The following ARHGAP25 variants were observed in gnomAD, a reference collection of about 807,000 sequenced individuals.
ARHGAP25 encodes Rho GTPase activating protein 25.
Under a neutral mutation model 71.0 loss-of-function variants are expected in ARHGAP25, and 34 were observed. The ratio of observed to expected loss-of-function variants is 0.48; its 90% CI spans 0.36 to 0.64. The LOEUF is 0.64. ARHGAP25 is among the 30% of genes least tolerant of loss of function. The pLI, the probability that ARHGAP25 is intolerant of heterozygous loss-of-function variation, is 0.00. For synonymous variants in ARHGAP25, 282 were observed against 296.5 expected (o/e 0.95, Z 0.50); for missense variants, 706 against 805.1 (o/e 0.88, Z 1.49).
chr2:68,746,715 A>T (rs1342344706), intron 1 of ARHGAP25, among the ~76,000 whole-genome samples: 1 of 131,578 alleles, frequency 7.6e-6, no homozygotes. Flanking sequence ...CCCCCTCCCC[A>T]TCCCCACAGG....
rs1317244454 is a variant in ARHGAP25, at chr2:68,787,961, G to C, written c.466+5G>C. 1.2e-6 allele frequency: 2 copies of C among 1,611,982 alleles called. No homozygotes were observed. Among genetic ancestry groups the C allele is most frequent in the African/African-American group, 2.7e-5 (2 of 75,014 alleles). ...TTGCTGGCACACCCTGTGGAGGTAA[G>C]GACCCCTGCAGGCTTTCCTGGGCAG... On this transcript the variant is annotated splice_donor_5th_base_variant and intron_variant, in intron 4 of 10. Transcript: ENST00000409202.
chr2:68,786,377 G>A (rs1280571830), intron 3 of ARHGAP25, among the ~76,000 whole-genome samples: 1 of 152,170 alleles, frequency 6.6e-6, no homozygotes, highest in Non-Finnish European at 1.5e-5. Context: ...TTCATGGGAG[G>A]AAGGACACCG....
intron 1 of ARHGAP25, 53 bp downstream of exon 1, chr2:68,735,313 C>A: frequency 6.5e-7 from 1 of 1,548,894 alleles, no homozygotes; most frequent in East Asian, 2.2e-5. Flanking sequence ...TACTCGAGCA[C>A]CATTTGCATG....
chr2:68,736,941 G>A (rs1675252535), intron 1 of ARHGAP25, among the ~76,000 whole-genome samples: 1 of 152,062 alleles, frequency 6.6e-6, no homozygotes, highest in African/African-American at 2.4e-5. Context: ...CACCCATTTA[G>A]TATAGGGCAC....
Position 68,826,099 on chromosome 2 carries a change from C to T in ARHGAP25, c.1846C>T (p.Arg616Cys), listed in dbSNP as rs764265797. The T allele has an allele frequency of 1.9e-5, 30 of 1,613,886 alleles. No homozygotes were observed. The South Asian group carries it at 1.9e-4, about 10-fold the overall frequency. The change falls in exon 11 of 11, where the codon CGC becomes TGC. Residue 616 changes from arginine to cysteine, a missense_variant. Coordinates refer to ENST00000409202, the MANE Select transcript of ARHGAP25 (RefSeq NM_001007231.3). Reference protein sequence around the residue: ...ALEISLRNMERSREDVEKRNK... With the variant: ...ALEISLRNMECSREDVEKRNK... ...AGAGATCAGCCTCCGCAACATGGAGCGCTCCCGGGAGGATGTTGAGAAGAG... is the reference window on the plus strand; with the variant it reads ...AGAGATCAGCCTCCGCAACATGGAGTGCTCCCGGGAGGATGTTGAGAAGAG...
chr2:68,813,483 C>T, intron 6 of ARHGAP25, 64 bp downstream of exon 6: 1 of 1,559,152 alleles, frequency 6.4e-7, no homozygotes, highest in South Asian at 1.2e-5. Flanking sequence ...GGACACTAAT[C>T]CAGTAGGCAA....
intron 5 of ARHGAP25, 134 bp from the exon 6 acceptor site, chr2:68,813,153 A>G (rs1680954699): frequency 1.0e-6 from 1 of 957,358 alleles, no homozygotes; most frequent in Non-Finnish European, 1.5e-6. Context: ...ATTCTTCTTT[A>G]TCAGACTACT....
rs143716425 is a variant in ARHGAP25 at position 68,807,280 on chromosome 2, T to C, written c.474T>C (p.Phe158=). Residue 158 remains phenylalanine, a synonymous_variant, in exon 5 of 11, where the codon TTT becomes TTC. Coordinates refer to ENST00000409202, the MANE Select transcript of ARHGAP25 (RefSeq NM_001007231.3). ...RVAGTPCGAV[F]GQRLDETVAY... ...TGTTTGCTCTCTCCTCAGCAGTGTT[T>C]GGCCAGCGCTTGGATGAGACTGTGG... The C allele has an allele frequency of 1.2e-5, 19 of 1,614,112 alleles. No individual in the cohort carries two copies. In the African/African-American group the frequency reaches 2.0e-4, roughly 17 times the overall value.
chr2:68,730,854 TCTC>T (rs890112766), upstream of ARHGAP25, among the ~76,000 whole-genome samples: 1 of 152,052 alleles, frequency 6.6e-6, no homozygotes, highest in Non-Finnish European at 1.5e-5. Context: ...CCTGGAGCGT[TCTC>T]CTCTCACTCC....
intron 2 of ARHGAP25, among the ~76,000 whole-genome samples, chr2:68,777,774 AAGAAT>A (rs1558630794): frequency 6.6e-6 from 1 of 152,226 alleles, no homozygotes; most frequent in African/African-American, 2.4e-5. Context: ...ATTTCTTAGA[AAGAAT>A]AGTGTATTTT....
intron 2 of ARHGAP25, among the ~76,000 whole-genome samples, chr2:68,711,616 C>T (rs1489699777): frequency 6.6e-6 from 1 of 152,020 alleles, no homozygotes; most frequent in Non-Finnish European, 1.5e-5. Flanking sequence ...ATTTGCTGCA[C>T]CCATCAACCC....
chr2:68,759,863 T>C (rs1445640028), intron 1 of ARHGAP25, among the ~76,000 whole-genome samples: 1 of 152,034 alleles, frequency 6.6e-6, no homozygotes, highest in Non-Finnish European at 1.5e-5. Flanking sequence ...ATTACCTTGA[T>C]ATTAAAGCCA....
chr2:68,826,393 G>C lies in ARHGAP25; in HGVS notation c.*199G>C, dbSNP rs1354185272. ...AGCAGAGATGTGTGTGGACATCTCT[G>C]ACCATCCATCGCTGTATTCAAATGG... On this transcript the variant is annotated 3_prime_UTR_variant, in exon 11 of 11. Coordinates refer to ENST00000409202, the MANE Select transcript of ARHGAP25 (RefSeq NM_001007231.3). The C allele has an allele frequency of 4.3e-6, 3 of 691,932 alleles. No individual in the cohort carries two copies. Among genetic ancestry groups the C allele is most frequent in the Non-Finnish European group, 7.9e-6 (3 of 381,886 alleles). 42.9% of individuals were successfully genotyped at this position (691,932 alleles called of 1,614,324 possible).
intron 2 of ARHGAP25, among the ~76,000 whole-genome samples, chr2:68,780,442 T>C (rs1208238338): frequency 6.6e-6 from 1 of 152,168 alleles, no homozygotes; most frequent in East Asian, 1.9e-4. Context: ...CAGCACAACC[T>C]CAGGGTCATT....
At chr2:68,825,569 T>C (rs997396122) in intron 10 of ARHGAP25, among the ~76,000 whole-genome samples, 1 of 151,622 alleles carries the variant, frequency 6.6e-6, no homozygotes, top group Non-Finnish European at 1.5e-5. Context: ...ATCAAGACCA[T>C]CCTGGCTAAC....
chr2:68,792,638 T>G lies in ARHGAP25; in HGVS notation c.466+4682T>G, dbSNP rs543757387. ...TTTGGCTGAACAGTAAGTATACCAT[T>G]GTGTATTTATACCATATTTTCTTCA... is the stretch of plus-strand genomic sequence containing the variant. On this transcript the variant is annotated intron_variant, in intron 4 of 10. Transcript: ENST00000409202. 3.3e-5 allele frequency among the ~76,000 whole-genome samples: 5 copies of G among 152,336 alleles called. No individual in the cohort carries two copies. In the South Asian group the frequency reaches 1.0e-3, roughly 32 times the overall value.
chr2:68,753,690 C>T (rs1008427996), intron 1 of ARHGAP25, among the ~76,000 whole-genome samples: 1 of 152,252 alleles, frequency 6.6e-6, no homozygotes, highest in Middle Eastern at 3.4e-3. Context: ...GTCTTTCCCA[C>T]GTTCTCATGT....
At chr2:68,774,039 C>T (rs13032797) in intron 1 of ARHGAP25, among the ~76,000 whole-genome samples, 26,264 of 152,018 alleles carry the variant, frequency 0.17, 2,560 homozygotes, top group African/African-American at 0.26. Context: ...TGAAATGGGT[C>T]GGGAGCAGAG....
chr2:68,723,544 T>C (rs974866686), intron 2 of ARHGAP25, among the ~76,000 whole-genome samples: 1 of 152,240 alleles, frequency 6.6e-6, no homozygotes, highest in Non-Finnish European at 1.5e-5. Flanking sequence ...CAGAGGCTTC[T>C]TGGGCTTCTT....
Sources: gnomAD v4.1 joint callset for allele counts (sites outside exome capture counted in the v4.1 genomes callset) on GRCh38, gnomAD v4.1.1 for gene constraint, MANE v1.5 for transcripts, NCBI Gene and HGNC (gene_info 2026-07-23, HGNC 2026-07-21) for gene names.